CCSER1: variants seen among roughly 807,000 people sequenced by gnomAD.
CCSER1 encodes the protein coiled-coil serine rich protein 1.
In CCSER1, 41 loss-of-function variants were observed where a neutral mutation model predicts 82.0. The ratio of observed to expected loss-of-function variants is 0.50; its 90% confidence interval spans 0.39 to 0.65. CCSER1 has a LOEUF of 0.65. CCSER1 is among the 30% of genes least tolerant of loss of function. CCSER1 has a pLI of 0.00. For synonymous variants in CCSER1, 414 were observed against 383.9 expected, an observed-to-expected ratio of 1.08 and a Z score of -0.92; for missense variants, 1,119 against 1,064.2, an observed-to-expected ratio of 1.05 and a Z score of -0.72.
At chr4:90,214,197 A>G (rs986497926) in intron 1 of CCSER1, among the ~76,000 whole-genome samples, 2 of 152,150 alleles carry the variant, frequency 1.3e-5, no homozygotes, top group Non-Finnish European at 2.9e-5. Flanking sequence ...GGAGGTGTTT[A>G]TCTTTAGCAG....
chr4:90,386,799 A>G (rs934088565), intron 3 of CCSER1, among the ~76,000 whole-genome samples: 1 of 152,206 alleles, frequency 6.6e-6, no homozygotes, highest in Non-Finnish European at 1.5e-5. Context: ...TCTGATTTTC[A>G]TATGGCTGCT....
At chr4:91,368,070 T>G (rs1749764912) in intron 10 of CCSER1, among the ~76,000 whole-genome samples, 1 of 152,210 alleles carries the variant, frequency 6.6e-6, no homozygotes, top group Admixed American at 6.5e-5. Flanking sequence ...TGATAGTATT[T>G]TTCCATGGGT....
chr4:90,239,413 A>G (rs902394616), intron 1 of CCSER1, among the ~76,000 whole-genome samples: 17 of 152,188 alleles, frequency 1.1e-4, no homozygotes, highest in African/African-American at 4.1e-4. Context: ...TTTGAAATTT[A>G]AGCCCTACTA....
In CCSER1 at chr4:90,622,801, C is replaced by G. The variant is rs1722572261; in HGVS notation, c.1725-5224C>G. 1.3e-5 allele frequency among the ~76,000 whole-genome samples: 2 copies of G among 151,980 alleles called. 1 individual carries two copies. The highest frequency in any genetic ancestry group is 4.2e-4 in the South Asian group (2 of 4,806). On this transcript the variant is annotated intron_variant, in intron 5 of 10. Coordinates refer to ENST00000509176, the MANE Select transcript of CCSER1 (RefSeq NM_001145065.2). Reference sequence around the variant, plus strand: ...ATACCCAGTAATGGGATGGCTGGGTCAAATGGTATTTCTAGTTCTAGATCC... The same window carrying G: ...ATACCCAGTAATGGGATGGCTGGGTGAAATGGTATTTCTAGTTCTAGATCC...
At chr4:90,503,763 T>C (rs535381595) in intron 5 of CCSER1, among the ~76,000 whole-genome samples, 2 of 152,270 alleles carry the variant, frequency 1.3e-5, no homozygotes, top group East Asian at 3.9e-4. Context: ...TATGGCTGCA[T>C]AGTATTCCAT....
chr4:90,470,702 T>C (rs1764241535), intron 5 of CCSER1, among the ~76,000 whole-genome samples: 1 of 150,820 alleles, frequency 6.6e-6, no homozygotes, highest in Admixed American at 6.6e-5. Context: ...CTGGGATTGA[T>C]TTTCATTTTC....
chr4:90,966,775 G>GT (rs1242994137), intron 9 of CCSER1, among the ~76,000 whole-genome samples: 1 of 152,060 alleles, frequency 6.6e-6, no homozygotes, highest in Non-Finnish European at 1.5e-5. Flanking sequence ...CTATATTGAT[G>GT]TATGTTCATG....
chr4:90,245,561 C>CTTGTAAAAATCAGAGCACTT (rs1214171901), intron 1 of CCSER1, among the ~76,000 whole-genome samples: 1 of 152,092 alleles, frequency 6.6e-6, no homozygotes, highest in Non-Finnish European at 1.5e-5. Flanking sequence ...TTTCTTATGT[C>CTTGTAAAAATCAGAGCACTT]TTGTAAAAAT....
At chr4:90,780,469 C>G in intron 7 of CCSER1, 1 of 1,612,294 alleles carries the variant, frequency 6.2e-7, no homozygotes, top group Non-Finnish European at 8.5e-7. Context: ...ATTCTGAAAA[C>G]CTGACTAACA....
chr4:90,388,610 C>T (rs1750464813), intron 3 of CCSER1, among the ~76,000 whole-genome samples: 1 of 149,942 alleles, frequency 6.7e-6, no homozygotes, highest in African/African-American at 2.5e-5. Context: ...ACGCCCGGCC[C>T]ATTTGATGTT....
chr4:90,608,080 T>G (rs2148802674), intron 5 of CCSER1, among the ~76,000 whole-genome samples: 1 of 152,338 alleles, frequency 6.6e-6, no homozygotes, highest in South Asian at 2.1e-4. Context: ...TTCTGAAAGC[T>G]GATATGTTAT....
chr4:91,416,665 A>T (rs186494024), intron 10 of CCSER1, among the ~76,000 whole-genome samples: 231 of 152,308 alleles, frequency 1.5e-3, no homozygotes, highest in African/African-American at 3.7e-3. Flanking sequence ...AGGAAATTGA[A>T]ACTGGACCCC....
intron 10 of CCSER1, among the ~76,000 whole-genome samples, chr4:91,468,071 T>A (rs1219264800): frequency 6.6e-6 from 1 of 152,178 alleles, no homozygotes; most frequent in Admixed American, 6.5e-5. Flanking sequence ...ATTGCAGCAC[T>A]ATTCACAATA....
At chr4:90,645,392 T>A (rs945813347) in intron 6 of CCSER1, among the ~76,000 whole-genome samples, 2 of 152,194 alleles carry the variant, frequency 1.3e-5, no homozygotes, top group African/African-American at 4.8e-5. Flanking sequence ...ATTCGTAGCT[T>A]CTATTTGAAG....
chr4:90,818,123 A>C (rs1208428034), intron 8 of CCSER1, among the ~76,000 whole-genome samples: 1 of 152,170 alleles, frequency 6.6e-6, no homozygotes, highest in Non-Finnish European at 1.5e-5. Flanking sequence ...TAATTGTACC[A>C]AGAAAGGCTT....
At chr4:91,029,726 G>A (rs1275944227) in intron 9 of CCSER1, among the ~76,000 whole-genome samples, 1 of 151,984 alleles carries the variant, frequency 6.6e-6, no homozygotes, top group East Asian at 1.9e-4. Flanking sequence ...TTTTCATTCT[G>A]TAAAGTAAAA....
At chr4:91,351,803 T>C (rs2149300790) in intron 10 of CCSER1, among the ~76,000 whole-genome samples, 2 of 152,270 alleles carry the variant, frequency 1.3e-5, no homozygotes, top group South Asian at 4.1e-4. Context: ...ACCATTTCAA[T>C]TTTAAAGGGA....
At chr4:90,862,451 A>G (rs184840624) in intron 8 of CCSER1, among the ~76,000 whole-genome samples, 115 of 152,046 alleles carry the variant, frequency 7.6e-4, no homozygotes, top group Non-Finnish European at 9.1e-4. Context: ...ATGACAACTG[A>G]CTTAATGGTG....
At position 91,224,745 on chromosome 4, in the gene CCSER1, T is replaced by C. The variant is rs186762407; in HGVS notation, c.2217+138751T>C. On this transcript the variant is annotated intron_variant, in intron 10 of 10. Coordinates refer to ENST00000509176, the MANE Select transcript of CCSER1 (RefSeq NM_001145065.2). Reference sequence around the variant, plus strand: ...TGTGTCCAGCCTATGCTAAAATAATTTGGGCATTAAACATGAGAATATTTC... The same window carrying C: ...TGTGTCCAGCCTATGCTAAAATAATCTGGGCATTAAACATGAGAATATTTC... 3.6e-4 allele frequency among the ~76,000 whole-genome samples: 55 copies of C among 152,118 alleles called. 2 individuals are homozygous for C. Among genetic ancestry groups the C allele is most frequent in the Admixed American group, 1.7e-3 (26 of 15,254 alleles).
Sources: allele counts gnomAD v4.1 joint callset (sites outside exome capture counted in the v4.1 genomes callset), GRCh38; gene constraint gnomAD v4.1.1; transcripts MANE v1.5; gene names NCBI Gene and HGNC (gene_info 2026-07-23, HGNC 2026-07-21).